Variants in SEC23A observed in about 807,000 individuals in gnomAD.
The protein encoded by SEC23A is SEC23 homolog A, COPII component, also known as protein transport protein Sec23A.
In SEC23A, 56 loss-of-function variants were observed where a neutral mutation model predicts 103.7. The observed-to-expected ratio is 0.54, with a 90% CI of 0.44 to 0.67. SEC23A has a LOEUF of 0.67. SEC23A is among the 30% of genes least tolerant of loss of function. The pLI, the probability that SEC23A is intolerant of heterozygous loss-of-function variation, is 0.00. For missense variants in SEC23A, 784 were observed against 936.4 expected, an observed-to-expected ratio of 0.84 and a Z score of 2.12; for synonymous variants, 281 against 293.0, an observed-to-expected ratio of 0.96 and a Z score of 0.42.
chr14:39,090,023 C>T (rs1169563731), intron 5 of SEC23A, among the ~76,000 whole-genome samples: 2 of 152,182 alleles, frequency 1.3e-5, no homozygotes, highest in African/African-American at 2.4e-5. Context: ...CATTGACTAA[C>T]GCATTCATTA....
intron 7 of SEC23A, among the ~76,000 whole-genome samples, chr14:39,077,904 G>A (rs930540831): frequency 3.3e-5 from 5 of 151,710 alleles, no homozygotes; most frequent in African/African-American, 1.2e-4. Flanking sequence ...CTGTACTCCA[G>A]CCAGGATGAC....
chr14:39,059,638 ATT>A (rs2139221776), intron 13 of SEC23A, among the ~76,000 whole-genome samples: 1 of 152,276 alleles, frequency 6.6e-6, no homozygotes, highest in African/African-American at 2.4e-5. Context: ...CTGCATTATC[ATT>A]CTCTCTCTCC....
intron 13 of SEC23A, among the ~76,000 whole-genome samples, chr14:39,056,076 TTTAA>T (rs1291524958): frequency 6.6e-6 from 1 of 152,220 alleles, no homozygotes; most frequent in South Asian, 2.1e-4. Context: ...CCTGTCACAG[TTTAA>T]TTAACTGCCT....
Position 39,092,547 on chromosome 14 carries a change from T to G in SEC23A, c.360A>C (p.Val120=), listed in dbSNP as rs376431559. ...LLPQFSSIEY[V]VLRGPQMPLI... ...TTTGTTCTTAGGTTCTTACCAGAAC[T>G]ACATATTCAATGCTAGAAAACTGAG... The change falls in exon 4 of 20, where the codon GTA becomes GTC. Residue 120 remains valine (V), a synonymous_variant. Transcript: ENST00000307712. 2.5e-6 allele frequency: 4 copies of G among 1,589,970 alleles called. No homozygotes were observed. The African/African-American group carries it at 5.4e-5, about 21-fold the overall frequency.
At chr14:39,063,674 T>TAA (rs1886554204) in intron 11 of SEC23A, among the ~76,000 whole-genome samples, 1 of 152,174 alleles carries the variant, frequency 6.6e-6, no homozygotes, top group Admixed American at 6.5e-5. Flanking sequence ...AGTATTAATA[T>TAA]AAGTTCTTCA....
At chr14:39,091,410 G>A in intron 5 of SEC23A, 67 bp downstream of exon 5, 2 of 1,154,592 alleles carry the variant, frequency 1.7e-6, no homozygotes, top group East Asian at 2.4e-5. Flanking sequence ...GAAACATACA[G>A]AAGGCATTTA....
chr14:39,075,967 C>A lies in SEC23A; in HGVS notation c.955G>T (p.Asp319Tyr), dbSNP rs868177804. 1 of 1,613,972 alleles carries A rather than the reference C, an allele frequency of 6.2e-7. No individual in the cohort carries two copies. Residue 319 changes from aspartate (D) to tyrosine (Y), a missense_variant, in exon 8 of 20, where the codon GAC becomes TAC. Around this residue, in one of 2 missense-constraint regions of SEC23A, gnomAD observed 683 missense variants for 774.2 expected, o/e 0.88. Coordinates refer to ENST00000307712, the MANE Select transcript of SEC23A (RefSeq NM_006364.4). Reference protein sequence around the residue: ...PIRSWHDIDKDNAKYVKKGTK... With the variant: ...PIRSWHDIDKYNAKYVKKGTK... ...CCCTTTTTAACATATTTGGCATTGT[C>A]TTTGTCAATGTCATGCCACGATCTT...
At chr14:39,052,670 T>A (rs1886107036) in intron 14 of SEC23A, among the ~76,000 whole-genome samples, 1 of 152,186 alleles carries the variant, frequency 6.6e-6, no homozygotes. Context: ...GCTTTTAGAA[T>A]CTCTAAACAA....
chr14:39,087,567 C>A (rs1357291415), intron 5 of SEC23A: 1 of 152,926 alleles, frequency 6.5e-6, no homozygotes, highest in African/African-American at 2.4e-5. Context: ...AATTCATAAC[C>A]AAACTACGAA....
intron 18 of SEC23A, 100 bp from the exon 19 acceptor site, chr14:39,039,196 G>A (rs1006905511): frequency 1.0e-6 from 1 of 959,140 alleles, no homozygotes; most frequent in Non-Finnish European, 1.6e-6. Context: ...TTTAGTATGT[G>A]TTGGTAAAAT....
At chr14:39,076,849 C>T (rs1476040952) in intron 7 of SEC23A, among the ~76,000 whole-genome samples, 18 of 151,394 alleles carry the variant, frequency 1.2e-4, no homozygotes, top group African/African-American at 3.6e-4. Flanking sequence ...ATCGCTTGAA[C>T]GCGGGAGGTG....
chr14:39,064,473 G>C (rs900534228), intron 11 of SEC23A: 2 of 153,348 alleles, frequency 1.3e-5, no homozygotes, highest in African/African-American at 4.8e-5. Flanking sequence ...TCCAAATCAT[G>C]AGTTTTTTTT....
chr14:39,088,256 A>G (rs1332536284), intron 5 of SEC23A: 2 of 152,184 alleles, frequency 1.3e-5, no homozygotes, highest in Non-Finnish European at 2.9e-5. Context: ...ACATGTTTCA[A>G]TGGAGAAAAA....
intron 7 of SEC23A, among the ~76,000 whole-genome samples, chr14:39,078,501 T>G (rs1887117090): frequency 6.6e-6 from 1 of 152,116 alleles, no homozygotes; most frequent in African/African-American, 2.4e-5. Flanking sequence ...TATCTATACC[T>G]CCAGATACAG....
intron 19 of SEC23A, among the ~76,000 whole-genome samples, chr14:39,035,813 G>A (rs554532810): frequency 6.6e-6 from 1 of 152,114 alleles, no homozygotes; most frequent in Non-Finnish European, 1.5e-5. Context: ...AATCTAACAG[G>A]AGCAATGCCA....
intron 5 of SEC23A, chr14:39,091,144 G>T: frequency 6.0e-6 from 2 of 331,340 alleles, no homozygotes; most frequent in South Asian, 3.0e-5. Flanking sequence ...GAACTCTTAA[G>T]AAAAAAAAAA....
intron 14 of SEC23A, among the ~76,000 whole-genome samples, chr14:39,052,328 A>T (rs924348466): frequency 1.3e-5 from 2 of 152,172 alleles, no homozygotes; most frequent in African/African-American, 2.4e-5. Flanking sequence ...AAAAAAAATT[A>T]AAAAACAATC....
At chr14:39,037,302 T>C (rs1885494010) in intron 19 of SEC23A, among the ~76,000 whole-genome samples, 1 of 152,124 alleles carries the variant, frequency 6.6e-6, no homozygotes, top group Admixed American at 6.5e-5. Context: ...ACTCAGTGTC[T>C]AAACCAAACA....
intron 1 of SEC23A, among the ~76,000 whole-genome samples, chr14:39,097,960 G>C (rs1049021234): frequency 5.3e-5 from 8 of 152,114 alleles, no homozygotes; most frequent in Non-Finnish European, 8.8e-5. Context: ...AGGGTGGCAT[G>C]CACCTGTAAT....
Sources: gnomAD v4.1 joint callset for allele counts (sites outside exome capture counted in the v4.1 genomes callset) on GRCh38, gnomAD v4.1.1 for gene constraint, gnomAD v4.1.1 regional missense constraint, MANE v1.5 for transcripts, NCBI Gene and HGNC (gene_info 2026-07-23, HGNC 2026-07-21) for gene names.